Variants in AGPS observed in about 807,000 individuals in gnomAD.
AGPS encodes alkyldihydroxyacetonephosphate synthase, peroxisomal.
AGPS carries 26 observed loss-of-function variants against 90.7 expected under a neutral mutation model. The observed-to-expected ratio is 0.29, with a 90% CI of 0.21 to 0.40. AGPS has a LOEUF of 0.40. AGPS is among the 10% of genes least tolerant of loss of function. The probability of loss-of-function intolerance (pLI) is 1.00; values close to 1 mark genes in which losing one functional copy is unlikely to be tolerated. For synonymous variants in AGPS, 294 were observed against 285.3 expected (o/e 1.03, Z -0.31); for missense variants, 540 against 816.1 (o/e 0.66, Z 4.12).
intron 8 of AGPS, among the ~76,000 whole-genome samples, chr2:177,446,354 G>C (rs1485127687): frequency 4.0e-5 from 6 of 151,692 alleles, no homozygotes; most frequent in Non-Finnish European, 7.4e-5. Context: ...GCGTTTCACC[G>C]TGGTCTCGGA....
rs1322053565 is a variant in AGPS, at chr2:177,539,162, A to G, written c.*967A>G. On this transcript the variant is annotated 3_prime_UTR_variant, in exon 20 of 20. Transcript: ENST00000264167. ...GAATTTGAAAGCCTCAGCAGTTTCAATGACAAAAATCATTTTTGATTTTTT... is the reference window on the plus strand; with the variant it reads ...GAATTTGAAAGCCTCAGCAGTTTCAGTGACAAAAATCATTTTTGATTTTTT... 1.3e-5 allele frequency: 2 copies of G among 152,094 alleles called. No individual in the cohort carries two copies. Among genetic ancestry groups the G allele is most frequent in the African/African-American group, 4.8e-5 (2 of 41,448 alleles). 9.4% of individuals were successfully genotyped at this position (152,094 alleles called of 1,614,324 possible).
At chr2:177,462,137 TC>T in intron 9 of AGPS, 119 bp downstream of exon 9, 1 of 850,796 alleles carries the variant, frequency 1.2e-6, no homozygotes. Flanking sequence ...ATGCCTGTAA[TC>T]CCAGCACTTT....
intron 8 of AGPS, among the ~76,000 whole-genome samples, chr2:177,452,177 C>T (rs567684653): frequency 2.5e-4 from 38 of 152,258 alleles, no homozygotes; most frequent in African/African-American, 3.4e-4. Flanking sequence ...GTGAAGTAGT[C>T]TTTAAATGTC....
At chr2:177,402,728 A>G (rs1454395394) in intron 1 of AGPS, among the ~76,000 whole-genome samples, 1 of 152,082 alleles carries the variant, frequency 6.6e-6, no homozygotes, top group African/African-American at 2.4e-5. Flanking sequence ...CATTTAAATC[A>G]CCTAGGTACT....
chr2:177,447,490 G>C (rs1686813054), intron 8 of AGPS, among the ~76,000 whole-genome samples: 1 of 152,006 alleles, frequency 6.6e-6, no homozygotes, highest in Admixed American at 6.5e-5. Context: ...ATGCTTAAAT[G>C]AGGCATTATC....
intron 1 of AGPS, among the ~76,000 whole-genome samples, chr2:177,394,887 A>G (rs1304433993): frequency 6.6e-6 from 1 of 152,230 alleles, no homozygotes; most frequent in African/African-American, 2.4e-5. Flanking sequence ...CAGAGAGACT[A>G]GGAGACTATT....
chr2:177,519,580 T>C (rs538677682), intron 17 of AGPS, among the ~76,000 whole-genome samples: 1 of 152,354 alleles, frequency 6.6e-6, no homozygotes, highest in African/African-American at 2.4e-5. Context: ...TTTATTTTGT[T>C]GTCATTTATT....
intron 12 of AGPS, 150 bp from the exon 13 acceptor site, chr2:177,497,539 A>G (rs1386706132): frequency 5.3e-6 from 2 of 376,580 alleles, no homozygotes; most frequent in East Asian, 8.4e-5. Flanking sequence ...ATATCGTAAT[A>G]TAAATATTTA....
chr2:177,541,743 T>A lies in AGPS; in HGVS notation c.*3548T>A, dbSNP rs2079236773. On this transcript the variant is annotated 3_prime_UTR_variant, in exon 20 of 20. Coordinates refer to ENST00000264167, the MANE Select transcript of AGPS (RefSeq NM_003659.4). ...CTTTATGAGTTATAGAAGCTTGGCTTTGCTCTAGGCTTCATGTTCCCAAAT... is the reference window on the plus strand; with the variant it reads ...CTTTATGAGTTATAGAAGCTTGGCTATGCTCTAGGCTTCATGTTCCCAAAT... 1 of 152,196 alleles carries A rather than the reference T, an allele frequency of 6.6e-6. No individual in the cohort carries two copies. The highest frequency in any genetic ancestry group is 1.5e-5 in the Non-Finnish European group (1 of 68,020). The allele number at this position is 152,196 out of a possible 1,614,324, so 9.4% of individuals were successfully genotyped here. A position where few individuals can be genotyped will look rare whatever the true frequency, so the allele number is the denominator to read the frequency against.
Position 177,392,893 on chromosome 2 carries a change from G to T in AGPS, c.104G>T (p.Gly35Val). The T allele has an allele frequency of 6.4e-7, 1 of 1,550,732 alleles. No homozygotes were observed. Among genetic ancestry groups the T allele is most frequent in the Non-Finnish European group, 8.7e-7 (1 of 1,147,798 alleles). The change falls in exon 1 of 20, where the codon GGG (glycine) becomes GTG (valine). Residue 35 changes from glycine to valine, a missense_variant. Gly to Val is a moderately radical substitution (Grantham distance 109, BLOSUM62 -3). Coordinates refer to ENST00000264167, the MANE Select transcript of AGPS (RefSeq NM_003659.4). ...RDRDPDPDRA[G>V]RRLRVLSGHL... The stretch of plus-strand genomic sequence containing the variant: ...CGGGACCCGGACCCGGACCGCGCCG[G>T]GCGGAGGCTGCGGGTTCTCTCTGGC...
intron 10 of AGPS, among the ~76,000 whole-genome samples, chr2:177,476,427 G>A (rs1167879641): frequency 6.6e-6 from 1 of 151,854 alleles, no homozygotes; most frequent in Non-Finnish European, 1.5e-5. Context: ...TCTTTGACTC[G>A]ATTATTTAGT....
chr2:177,505,255 A>C (rs1388033988), intron 14 of AGPS, among the ~76,000 whole-genome samples: 1 of 151,970 alleles, frequency 6.6e-6, no homozygotes, highest in Non-Finnish European at 1.5e-5. Flanking sequence ...TTGTGTGAAG[A>C]TTATTTCAGC....
chr2:177,471,413 AT>A (rs903863296), intron 10 of AGPS, among the ~76,000 whole-genome samples: 62 of 152,230 alleles, frequency 4.1e-4, no homozygotes, highest in African/African-American at 1.3e-3. Flanking sequence ...ATTTTTCATG[AT>A]TTTTTTCAAC....
intron 8 of AGPS, among the ~76,000 whole-genome samples, chr2:177,456,873 A>G (rs1250049287): frequency 6.6e-6 from 1 of 152,134 alleles, no homozygotes; most frequent in Non-Finnish European, 1.5e-5. Flanking sequence ...CTCCACCCCA[A>G]ATCAACAGAA....
intron 1 of AGPS, among the ~76,000 whole-genome samples, chr2:177,398,738 T>C (rs1484936534): frequency 6.6e-6 from 1 of 152,204 alleles, no homozygotes; most frequent in African/African-American, 2.4e-5. Context: ...TCTGTCAAAA[T>C]GAAATTCATA....
rs1270641545 is a variant in AGPS at position 177,513,856 on chromosome 2, A to G, written c.1645A>G (p.Thr549Ala). The G allele has an allele frequency of 4.3e-6, 7 of 1,613,760 alleles. No homozygotes were observed. Among genetic ancestry groups the G allele is most frequent in the Non-Finnish European group, 5.9e-6 (7 of 1,179,728 alleles). The change falls in exon 17 of 20, where the codon ACA becomes GCA. Residue 549 changes from threonine (T) to alanine (A), a missense_variant. Thr to Ala is a moderately conservative substitution (Grantham distance 58). Coordinates refer to ENST00000264167, the MANE Select transcript of AGPS (RefSeq NM_003659.4). ...CTGTAGAAATGTAAAAGAAAGAATA[A>G]CAAGGGAATGCAAAGAGAAGGGTGT... ...DLCRNVKERI[T>A]RECKEKGVQF...
chr2:177,411,755 C>G (rs2105599001), intron 1 of AGPS, among the ~76,000 whole-genome samples: 1 of 152,316 alleles, frequency 6.6e-6, no homozygotes, highest in Middle Eastern at 3.4e-3. Context: ...CTCTCTCTGT[C>G]TGTCTTTCCT....
At chr2:177,460,533 A>G (rs1463266155) in intron 8 of AGPS, among the ~76,000 whole-genome samples, 1 of 152,232 alleles carries the variant, frequency 6.6e-6, no homozygotes, top group Non-Finnish European at 1.5e-5. Context: ...TCATGACAGT[A>G]TGTGAAACCT....
chr2:177,450,028 G>T (rs945429856), intron 8 of AGPS, among the ~76,000 whole-genome samples: 1 of 151,906 alleles, frequency 6.6e-6, no homozygotes, highest in Admixed American at 6.6e-5. Context: ...TAGTAGAGAC[G>T]GGTTTTCACC....
Sources: gnomAD v4.1 joint callset for allele counts (sites outside exome capture counted in the v4.1 genomes callset) on GRCh38, gnomAD v4.1.1 for gene constraint, MANE v1.5 for transcripts, NCBI Gene and HGNC (gene_info 2026-07-23, HGNC 2026-07-21) for gene names.